SORCS2: variants seen among roughly 807,000 people sequenced by gnomAD.
SORCS2 encodes the protein VPS10 domain-containing receptor SorCS2.
In SORCS2, 100 loss-of-function variants were observed where a neutral mutation model predicts 141.6. That is an observed-to-expected ratio of 0.71 (90% CI 0.60 to 0.83). SORCS2 has a LOEUF of 0.83. SORCS2 is among the 40% of genes least tolerant of loss of function. The probability of loss-of-function intolerance (pLI) is 0.00; values close to 1 mark genes in which losing one functional copy is unlikely to be tolerated. For missense variants in SORCS2, 1,646 were observed against 1,560.2 expected (o/e 1.05, Z -0.93); for synonymous variants, 789 against 676.9 (o/e 1.17, Z -2.57).
chr4:7,234,044 T>C (rs1056131412), intron 1 of SORCS2, among the ~76,000 whole-genome samples: 12 of 151,952 alleles, frequency 7.9e-5, no homozygotes, highest in Non-Finnish European at 1.5e-5. Flanking sequence ...GACCACCCAC[T>C]CCCACCGAGC....
At chr4:7,531,673 G>C (rs755973138) in intron 3 of SORCS2, 44 bp downstream of exon 3, 2 of 1,573,514 alleles carry the variant, frequency 1.3e-6, no homozygotes, top group Non-Finnish European at 8.7e-7. Flanking sequence ...CTCTCGCCTT[G>C]TGCCGCTCAC....
chr4:7,201,420 G>C lies in SORCS2; in HGVS notation c.480+8294G>C, dbSNP rs920393241. 6.6e-6 allele frequency among the ~76,000 whole-genome samples: 1 copy of C among 152,230 alleles called. No homozygotes were observed. ...AAGGTTCCTGAGAGTATTCTAAAGA[G>C]GTCATAAATTAGCCTCATTCCTCGG... On this transcript the variant is annotated intron_variant, in intron 1 of 26. Transcript: ENST00000507866. The surrounding 1 kb of genome is among the most constrained non-coding windows in gnomAD (Gnocchi z 4.4).
intron 13 of SORCS2, among the ~76,000 whole-genome samples, chr4:7,703,648 G>A (rs987047366): frequency 1.3e-5 from 2 of 152,178 alleles, no homozygotes; most frequent in Non-Finnish European, 2.9e-5. Flanking sequence ...CCGAGGAGGT[G>A]AGGAATTAGT....
At chr4:7,636,159 C>T (rs754760290) in intron 3 of SORCS2, among the ~76,000 whole-genome samples, 15 of 151,996 alleles carry the variant, frequency 9.9e-5, no homozygotes, top group Admixed American at 2.6e-4. Flanking sequence ...CCCCATTCTG[C>T]GTAGGCGCAC....
At chr4:7,505,982 A>C (rs1732254719) in intron 2 of SORCS2, among the ~76,000 whole-genome samples, 1 of 152,150 alleles carries the variant, frequency 6.6e-6, no homozygotes, top group African/African-American at 2.4e-5. Context: ...TCCCAGAGTC[A>C]TTGTGAGGAG....
In SORCS2 at chr4:7,740,942, G is replaced by A. The variant is rs577420772; in HGVS notation, c.*678G>A. 1 of 398,170 alleles carries A rather than the reference G, an allele frequency of 2.5e-6. No individual in the cohort carries two copies. The highest frequency in any genetic ancestry group is 1.4e-4 in the South Asian group (1 of 7,122). 24.7% of individuals were successfully genotyped at this position (398,170 alleles called of 1,614,324 possible). A position where few individuals can be genotyped will look rare whatever the true frequency, so the allele number is the denominator to read the frequency against. On this transcript the variant is annotated 3_prime_UTR_variant, in exon 27 of 27. Transcript: ENST00000507866. ...CGTACTCGGGAGCCCCTTTCCCTGA[G>A]TGCCCAGGGTGTCTCCTCTGCCCAG...
At chr4:7,544,201 A>G (rs754324397) in intron 3 of SORCS2, among the ~76,000 whole-genome samples, 63 of 151,914 alleles carry the variant, frequency 4.1e-4, no homozygotes, top group Non-Finnish European at 7.4e-4. Flanking sequence ...TCATCCATCC[A>G]CTCGTGCATT....
intron 1 of SORCS2, among the ~76,000 whole-genome samples, chr4:7,296,548 C>G (rs1717069996): frequency 6.6e-6 from 1 of 152,196 alleles, no homozygotes; most frequent in African/African-American, 2.4e-5. Flanking sequence ...GGGTTCAGCC[C>G]TGGTTGAGGC....
intron 5 of SORCS2, among the ~76,000 whole-genome samples, chr4:7,655,375 C>T (rs1321251607): frequency 3.3e-5 from 5 of 152,220 alleles, no homozygotes; most frequent in East Asian, 1.9e-4. Context: ...AAGGGGAGCC[C>T]GGGCTATCAG....
intron 1 of SORCS2, among the ~76,000 whole-genome samples, chr4:7,326,010 T>G (rs923442064): frequency 2.0e-5 from 3 of 151,272 alleles, no homozygotes; most frequent in African/African-American, 7.3e-5. Context: ...ATGGGAAGGG[T>G]CTTTGATGTT....
chr4:7,391,670 C>T (rs894684759), intron 1 of SORCS2, among the ~76,000 whole-genome samples: 1 of 152,204 alleles, frequency 6.6e-6, no homozygotes, highest in African/African-American at 2.4e-5. Context: ...GACGTGGGGG[C>T]TGGGCTGTGG....
At chr4:7,427,786 A>C (rs13128092) in intron 2 of SORCS2, among the ~76,000 whole-genome samples, 63 of 151,770 alleles carry the variant, frequency 4.2e-4, no homozygotes, top group African/African-American at 1.4e-3. Flanking sequence ...ATTCATCAGC[A>C]GGGGATGGCA....
chr4:7,597,636 G>T (rs1013483731), intron 3 of SORCS2, among the ~76,000 whole-genome samples: 6 of 150,480 alleles, frequency 4.0e-5, no homozygotes, highest in Admixed American at 4.0e-4. Flanking sequence ...TTAAAGGGAA[G>T]GGGGCTATTG....
At chr4:7,363,091 C>T (rs1033031417) in intron 1 of SORCS2, among the ~76,000 whole-genome samples, 3 of 150,366 alleles carry the variant, frequency 2.0e-5, no homozygotes. Flanking sequence ...ATCATCATCA[C>T]CATCACCACT....
intron 12 of SORCS2, among the ~76,000 whole-genome samples, chr4:7,697,605 GA>G (rs1724793696): frequency 1.3e-5 from 2 of 152,216 alleles, no homozygotes; most frequent in South Asian, 2.1e-4. Flanking sequence ...AAATGCCAGG[GA>G]ACAGCACAGG....
chr4:7,569,699 G>A (rs1041842353), intron 3 of SORCS2, among the ~76,000 whole-genome samples: 1 of 152,180 alleles, frequency 6.6e-6, no homozygotes, highest in Non-Finnish European at 1.5e-5. Flanking sequence ...AGCCACCACA[G>A]GGCGGGGCCG....
At chr4:7,461,993 C>T (rs62277623) in intron 2 of SORCS2, among the ~76,000 whole-genome samples, 28,391 of 152,182 alleles carry the variant, frequency 0.19, 2,793 homozygotes, top group African/African-American at 0.25. Context: ...TGAAAGGCAC[C>T]GCATCAGGCT....
chr4:7,334,382 G>A (rs993920864), intron 1 of SORCS2, among the ~76,000 whole-genome samples: 6 of 143,712 alleles, frequency 4.2e-5, no homozygotes, highest in South Asian at 2.3e-4. Context: ...CCTCTCACCC[G>A]CCCCTCCTTC....
chr4:7,213,773 T>C (rs1237661328), intron 1 of SORCS2, among the ~76,000 whole-genome samples: 1 of 152,148 alleles, frequency 6.6e-6, no homozygotes, highest in Non-Finnish European at 1.5e-5. Context: ...CAGTCCCCTT[T>C]CCAGATGGAG....
Sources: gnomAD v4.1 joint callset for allele counts (sites outside exome capture counted in the v4.1 genomes callset) on GRCh38, gnomAD v4.1.1 for gene constraint, Gnocchi (gnomAD v3.1) non-coding constraint, MANE v1.5 for transcripts, NCBI Gene and HGNC (gene_info 2026-07-23, HGNC 2026-07-21) for gene names.